Variants in ATP2B3 observed in about 807,000 individuals in gnomAD.
The protein encoded by ATP2B3 is plasma membrane calcium-transporting ATPase 3.
ATP2B3 carries 12 observed loss-of-function variants against 70.8 expected under a neutral mutation model. The observed-to-expected ratio is 0.17, with a 90% CI of 0.11 to 0.27. ATP2B3 has a LOEUF of 0.27. Among genes scored for constraint, ATP2B3 ranks in the 10% least tolerant of loss-of-function variants. The probability of loss-of-function intolerance (pLI) is 1.00; values close to 1 mark genes in which losing one functional copy is unlikely to be tolerated. For missense variants in ATP2B3, 858 were observed against 1,118.5 expected (o/e 0.77, Z 3.32); for synonymous variants, 460 against 497.8 (o/e 0.92, Z 1.01).
chrX:153,531,291 G>A (rs1375447524), intron 2 of ATP2B3, among the ~76,000 whole-genome samples: 1 of 113,186 alleles, frequency 8.8e-6, no homozygotes, highest in Non-Finnish European at 1.9e-5. Context: ...TGGTCTAGGG[G>A]CCCACCCCGG....
At position 153,543,186 on chromosome X, in the gene ATP2B3, C is replaced by T. The variant is rs782371080; in HGVS notation, c.916+18C>T. ...TAAGAAAGGTAGCGCAGCAGTGCCG[C>T]CAGTCCCTGGTGCTGGTGGCGGCTC... On this transcript the variant is annotated intron_variant, in intron 7 of 21. Coordinates refer to ENST00000263519, the MANE Select transcript of ATP2B3 (RefSeq NM_001001344.3). The T allele has an allele frequency of 8.3e-7, 1 of 1,201,084 alleles. No individual in the cohort carries two copies. Among genetic ancestry groups the T allele is most frequent in the South Asian group, 1.8e-5 (1 of 55,308 alleles).
Position 153,558,156 on chromosome X carries a change from C to T in ATP2B3, c.2478C>T (p.Ile826=), listed in dbSNP as rs782549520. ...TGGCCAAGGAGGCCTCCGACATCAT[C>T]CTGACCGATGACAACTTCACCAGCA... ...TDVAKEASDI[I]LTDDNFTSIV... Residue 826 remains isoleucine, a synonymous_variant, in exon 17 of 22, where the codon ATC becomes ATT. Transcript: ENST00000263519. 1.7e-6 allele frequency: 2 copies of T among 1,211,565 alleles called. No individual in the cohort carries two copies. The highest frequency in any genetic ancestry group is 2.2e-6 in the Non-Finnish European group (2 of 895,414).
In ATP2B3 at chrX:153,542,267, T is replaced by A. The variant is rs2090297081; in HGVS notation, c.665-56T>A. Reference sequence around the variant, plus strand: ...CCATGGCACCTGACGGGACCTCCCCTGGGGCAGCCGGGAGGAGGCGGTGGG... The same window carrying A: ...CCATGGCACCTGACGGGACCTCCCCAGGGGCAGCCGGGAGGAGGCGGTGGG... On this transcript the variant is annotated intron_variant, in intron 5 of 21. Coordinates refer to ENST00000263519, the MANE Select transcript of ATP2B3 (RefSeq NM_001001344.3). The A allele has an allele frequency of 3.3e-6, 4 of 1,200,071 alleles. No homozygotes were observed. The Admixed American group carries it at 6.6e-5, about 20-fold the overall frequency.
chrX:153,580,637 T>A lies in ATP2B3; in HGVS notation c.*339T>A. The A allele has an allele frequency of 4.4e-6, 1 of 228,304 alleles. No individual in the cohort carries two copies. The highest frequency in any genetic ancestry group is 1.8e-4 in the South Asian group (1 of 5,714). 18.8% of individuals were successfully genotyped at this position (228,304 alleles called of 1,213,427 possible). On this transcript the variant is annotated 3_prime_UTR_variant, in exon 22 of 22. Coordinates refer to ENST00000263519, the MANE Select transcript of ATP2B3 (RefSeq NM_001001344.3). ...CGAAGAGCTGAGTTCCCCACCTTTT[T>A]TTCTATTGATGCTTCTTTTTTAACA...
chrX:153,571,002 GTA>G (rs1491560436), intron 21 of ATP2B3, among the ~76,000 whole-genome samples: 438 of 26,742 alleles, frequency 0.016, 4 homozygotes, highest in East Asian at 0.035. Context: ...ACGTGCGCGC[GTA>G]CACACACACA....
At position 153,546,131 on chromosome X, in the gene ATP2B3, T is replaced by C; in HGVS notation, c.958+2T>C. 8.3e-7 allele frequency: 1 copy of C among 1,209,485 alleles called. No individual in the cohort carries two copies. The highest frequency in any genetic ancestry group is 1.1e-6 in the Non-Finnish European group (1 of 894,786). ...CCATGGAGAGTAGCCAGACCAAAGG[T>C]AACGGGCGCCGCTGCTTGGGCACAA... On this transcript the variant is annotated splice_donor_variant, in intron 8 of 21. Transcript: ENST00000263519. LOFTEE classifies it high-confidence loss of function.
At chrX:153,561,291 C>T (rs1390258993) in intron 19 of ATP2B3, among the ~76,000 whole-genome samples, 2 of 112,520 alleles carry the variant, frequency 1.8e-5, no homozygotes, top group African/African-American at 6.5e-5. Context: ...AGTGCTGACA[C>T]ACTAACCTCT....
At chrX:153,519,471 C>A (rs1298155367) in intron 2 of ATP2B3, among the ~76,000 whole-genome samples, 3 of 111,730 alleles carry the variant, frequency 2.7e-5, no homozygotes, top group Non-Finnish European at 5.7e-5. Context: ...ACCCCCACCC[C>A]CCGCCGCCAC....
chrX:153,528,131 C>T (rs975133857), intron 2 of ATP2B3, among the ~76,000 whole-genome samples: 6 of 113,290 alleles, frequency 5.3e-5, no homozygotes, highest in South Asian at 3.6e-4. Context: ...TGTCCAGTCA[C>T]TTTGCTGAAC....
chrX:153,567,672 C>T (rs1557018640), intron 21 of ATP2B3, among the ~76,000 whole-genome samples: 1 of 112,260 alleles, frequency 8.9e-6, no homozygotes, highest in African/African-American at 3.2e-5. Flanking sequence ...CGGTCAGAGT[C>T]TTAGAGTTCC....
At chrX:153,556,519 C>T in intron 15 of ATP2B3, 101 bp downstream of exon 15, 3 of 878,734 alleles carry the variant, frequency 3.4e-6, no homozygotes, top group South Asian at 2.4e-5. Flanking sequence ...CAGGGCCTGC[C>T]TAGGAAGCTG....
chrX:153,575,789 G>A (rs1479021804), intron 21 of ATP2B3, among the ~76,000 whole-genome samples: 1 of 112,121 alleles, frequency 8.9e-6, no homozygotes, highest in Admixed American at 9.4e-5. Flanking sequence ...AGGGGCCCTC[G>A]GGTGTCAGGG....
In ATP2B3 at chrX:153,518,556, G is replaced by A. The variant is rs3020939; in HGVS notation, c.-127+5G>A. 4.5e-5 allele frequency among the ~76,000 whole-genome samples: 5 copies of A among 112,005 alleles called. No individual in the cohort carries two copies. Among genetic ancestry groups the A allele is most frequent in the East Asian group, 2.8e-4 (1 of 3,532 alleles). On this transcript the variant is annotated splice_donor_5th_base_variant and intron_variant, in intron 2 of 21. Coordinates refer to ENST00000263519, the MANE Select transcript of ATP2B3 (RefSeq NM_001001344.3). ...TTCTGGAATTTGGAATGGCAGGTGC[G>A]GCATCTCCCAGAGCCTGAGACGATG...
chrX:153,579,764 C>T (rs1557022172), intron 21 of ATP2B3, among the ~76,000 whole-genome samples: 1 of 111,969 alleles, frequency 8.9e-6, no homozygotes, highest in African/African-American at 3.3e-5. Context: ...CAGGCAGAGC[C>T]ATCCCATTCC....
At chrX:153,579,302 G>A (rs782627325) in intron 21 of ATP2B3, among the ~76,000 whole-genome samples, 1 of 112,717 alleles carries the variant, frequency 8.9e-6, no homozygotes, top group Admixed American at 9.3e-5. Context: ...CAAATCAGAC[G>A]AAGATGCAGA....
At chrX:153,569,903 C>T (rs995066442) in intron 21 of ATP2B3, 27 of 637,409 alleles carry the variant, frequency 4.2e-5, no homozygotes, top group Middle Eastern at 1.0e-3. Flanking sequence ...CAGTCCTTCC[C>T]GCCCAGACGG....
rs191164113 is a variant in ATP2B3, at chrX:153,574,468, A to G, written c.3343-5510A>G. Among the ~76,000 whole-genome samples the G allele has an allele frequency of 9.9e-5, 11 of 111,449 alleles. No homozygotes were observed. In the East Asian group the frequency reaches 2.8e-3, roughly 28 times the overall value. On this transcript the variant is annotated intron_variant, in intron 21 of 21. Transcript: ENST00000263519. ...GAAGCATCCGAGTTCTGTGAACCTT[A>G]GCGGCTGAGACTGAGCAGAGAGCAT...
intron 2 of ATP2B3, among the ~76,000 whole-genome samples, chrX:153,521,316 G>A (rs782661915): frequency 2.7e-5 from 3 of 113,064 alleles, no homozygotes; most frequent in South Asian, 7.2e-4. Flanking sequence ...GGGAGCCTGC[G>A]GAGAAGGATC....
At chrX:153,522,195 G>A (rs1287103167) in intron 2 of ATP2B3, among the ~76,000 whole-genome samples, 2 of 112,842 alleles carry the variant, frequency 1.8e-5, no homozygotes, top group African/African-American at 3.2e-5. Flanking sequence ...ATGCCAGGGG[G>A]CCACATCTTA....
Sources: allele counts gnomAD v4.1 joint callset (sites outside exome capture counted in the v4.1 genomes callset), GRCh38; gene constraint gnomAD v4.1.1; transcripts MANE v1.5; gene names NCBI Gene and HGNC (gene_info 2026-07-23, HGNC 2026-07-21).